RYR3: variants seen among roughly 807,000 people sequenced by gnomAD.
RYR3 encodes brain ryanodine receptor-calcium release channel.
In RYR3, 207 loss-of-function variants were observed where a neutral mutation model predicts 584.3. The ratio of observed to expected loss-of-function variants is 0.35; its 90% CI spans 0.32 to 0.40. RYR3 has a LOEUF of 0.40. RYR3 is among the 10% of genes least tolerant of loss of function. The probability of loss-of-function intolerance (pLI) is 1.00; values close to 1 mark genes in which losing one functional copy is unlikely to be tolerated. For synonymous variants in RYR3, 2,416 were observed against 2,248.5 expected, an observed-to-expected ratio of 1.07 and a Z score of -2.11; for missense variants, 5,616 against 6,089.2, an observed-to-expected ratio of 0.92 and a Z score of 2.59.
intron 42 of RYR3, among the ~76,000 whole-genome samples, chr15:33,701,313 C>T (rs965168458): frequency 3.3e-5 from 5 of 152,236 alleles, no homozygotes; most frequent in Admixed American, 6.5e-5. Context: ...TTGTGTTCTT[C>T]GTGTGTGGAA....
chr15:33,426,147 T>C (rs1240152025), intron 1 of RYR3, among the ~76,000 whole-genome samples: 1 of 152,242 alleles, frequency 6.6e-6, no homozygotes, highest in African/African-American at 2.4e-5. Context: ...AAGTATATGT[T>C]AAGCATTCTT....
intron 64 of RYR3, among the ~76,000 whole-genome samples, chr15:33,774,605 ATGT>A (rs1331501554): frequency 6.6e-6 from 1 of 152,200 alleles, no homozygotes; most frequent in Non-Finnish European, 1.5e-5. Flanking sequence ...AAACCAAAAA[ATGT>A]TGTAGAAATG....
rs368742527 is a variant in RYR3, at chr15:33,788,393, C to T, written c.9765C>T (p.Phe3255=). Residue 3255 remains phenylalanine (F), a synonymous_variant, in exon 67 of 104, where the codon TTC becomes TTT. Coordinates refer to ENST00000634891, the MANE Select transcript of RYR3 (RefSeq NM_001036.6). ...QEAELLILDE[F]AVLCRDLYAF... Reference sequence around the variant, plus strand: ...CAGAACTCCTCATCCTGGACGAGTTCGCGGTCCTCTGCAGAGATCTCTATG... The same window carrying T: ...CAGAACTCCTCATCCTGGACGAGTTTGCGGTCCTCTGCAGAGATCTCTATG... 3.7e-5 allele frequency: 59 copies of T among 1,613,932 alleles called. No individual in the cohort carries two copies. In the East Asian group the frequency reaches 4.7e-4, roughly 13 times the overall value.
At position 33,528,173 on chromosome 15, in the gene RYR3, C is replaced by T. The variant is rs548053980; in HGVS notation, c.280-2419C>T. Among the ~76,000 whole-genome samples the T allele has an allele frequency of 2.6e-5, 4 of 152,172 alleles. No homozygotes were observed. The East Asian group carries it at 7.7e-4, about 29-fold the overall frequency. ...GTACAATTTTGATTGTGACACTGTCCTTTCAAAAATCTACTCCAGTATCCT... is the reference window on the plus strand; with the variant it reads ...GTACAATTTTGATTGTGACACTGTCTTTTCAAAAATCTACTCCAGTATCCT... On this transcript the variant is annotated intron_variant, in intron 3 of 103. Transcript: ENST00000634891.
At chr15:33,688,109 C>T (rs1041581401) in intron 38 of RYR3, among the ~76,000 whole-genome samples, 1 of 152,180 alleles carries the variant, frequency 6.6e-6, no homozygotes, top group East Asian at 1.9e-4. Flanking sequence ...AAGAAACTAC[C>T]ATCAGAGTGA....
intron 15 of RYR3, among the ~76,000 whole-genome samples, chr15:33,585,455 A>T (rs1248563424): frequency 6.6e-6 from 1 of 152,100 alleles, no homozygotes; most frequent in African/African-American, 2.4e-5. Context: ...CAGTGTGCCA[A>T]AAAAAAGGGG....
rs550114178 is a variant in RYR3, at chr15:33,350,539, A to G, written c.51+39443A>G. Among the ~76,000 whole-genome samples the G allele has an allele frequency of 5.9e-5, 9 of 151,508 alleles. No homozygotes were observed. In the East Asian group the frequency reaches 1.7e-3, roughly 29 times the overall value. On this transcript the variant is annotated intron_variant, in intron 1 of 103. Coordinates refer to ENST00000634891, the MANE Select transcript of RYR3 (RefSeq NM_001036.6). ...AGCTCTCCTCAGCAAATGTAAAAGA[A>G]CAGAAATTATAACAAACTATCTCTC...
At chr15:33,630,169 A>G (rs2061195239) in intron 22 of RYR3, 126 bp downstream of exon 22, 1 of 589,658 alleles carries the variant, frequency 1.7e-6, no homozygotes, top group Non-Finnish European at 3.0e-6. Context: ...AGAGGAGATG[A>G]TGATGAATCA....
In RYR3 at chr15:33,311,073, G is replaced by A. The variant is rs1165107449; in HGVS notation, c.28G>A (p.Asp10Asn). 1 of 1,583,264 alleles carries A rather than the reference G, an allele frequency of 6.3e-7. No homozygotes were observed. Among genetic ancestry groups the A allele is most frequent in the Non-Finnish European group, 8.6e-7 (1 of 1,166,736 alleles). The change falls in exon 1 of 104, where the codon GAC (aspartate) becomes AAC (asparagine). Residue 10 changes from aspartate to asparagine, a missense_variant. Transcript: ENST00000634891. The surrounding 1 kb of genome is among the most constrained non-coding windows in gnomAD (Gnocchi z 4.4). MAEGGEGGE[D>N]EIQFLRTEDE... is the part of the protein sequence containing the mutation. ...GGCCGAAGGGGGAGAAGGAGGCGAG[G>A]ACGAGATCCAGTTTCTGAGGACTGT...
intron 11 of RYR3, among the ~76,000 whole-genome samples, chr15:33,563,651 T>C (rs1306893450): frequency 1.3e-5 from 2 of 152,180 alleles, no homozygotes; most frequent in Non-Finnish European, 2.9e-5. Flanking sequence ...AATACCCTTA[T>C]AAAATATGGG....
chr15:33,731,110 C>G (rs934851037), intron 47 of RYR3, among the ~76,000 whole-genome samples: 2 of 152,176 alleles, frequency 1.3e-5, no homozygotes, highest in Non-Finnish European at 2.9e-5. Flanking sequence ...ATCCTGGCAA[C>G]TAGACTTTGC....
chr15:33,723,315 T>C (rs2068087620), intron 44 of RYR3, among the ~76,000 whole-genome samples: 2 of 152,190 alleles, frequency 1.3e-5, no homozygotes, highest in South Asian at 4.1e-4. Context: ...TCTGAAAGCA[T>C]GAGGACTAAT....
At position 33,785,711 on chromosome 15, in the gene RYR3, G is replaced by A; in HGVS notation, c.9318G>A (p.Gln3106=). The A allele has an allele frequency of 6.2e-7, 1 of 1,613,088 alleles. No homozygotes were observed. Among genetic ancestry groups the A allele is most frequent in the East Asian group, 2.2e-5 (1 of 44,878 alleles). ...TVEDMCPDIP[Q]LEGLMKEIND... The stretch of plus-strand genomic sequence containing the variant: ...AAGACATGTGTCCTGACATCCCCCA[G>A]CTGGAAGGCCTGATGAAGGAAATCA... The change falls in exon 66 of 104, where the codon CAG becomes CAA. Residue 3106 remains glutamine, a synonymous_variant. Coordinates refer to ENST00000634891, the MANE Select transcript of RYR3 (RefSeq NM_001036.6).
At chr15:33,623,773 T>TC (rs2060845013) in intron 19 of RYR3, 34 bp from the exon 20 acceptor site, 1 of 1,425,926 alleles carries the variant, frequency 7.0e-7, no homozygotes, top group African/African-American at 1.4e-5. Context: ...GTTTTTTTTT[T>TC]AACCTCTGTA....
At position 33,696,231 on chromosome 15, in the gene RYR3, A is replaced by G; in HGVS notation, c.5874A>G (p.Glu1958=). ...TTGTCCTTCCAGCAACATTGAAGGA[A>G]CTCATCTCACAGACGATGATCTGCT... The part of the protein sequence containing the change: ...EEERCPTTLK[E]LISQTMICWA... Residue 1958 remains glutamate (E), a synonymous_variant, in exon 39 of 104, where the codon GAA becomes GAG. Transcript: ENST00000634891. 6.2e-7 allele frequency: 1 copy of G among 1,613,396 alleles called. No individual in the cohort carries two copies. Among genetic ancestry groups the G allele is most frequent in the Non-Finnish European group, 8.5e-7 (1 of 1,179,640 alleles).
At position 33,635,784 on chromosome 15, in the gene RYR3, G is replaced by A. The variant is rs1187136494; in HGVS notation, c.3346G>A (p.Ala1116Thr). 6.2e-7 allele frequency: 1 copy of A among 1,613,460 alleles called. No individual in the cohort carries two copies. Among genetic ancestry groups the A allele is most frequent in the East Asian group, 2.2e-5 (1 of 44,880 alleles). ...CTGTCGACCTGATGTCGAGCTGGGG[G>A]CCGATGACCAAGCCTTTGTGTTTGA... Reference protein sequence around the residue: ...PGCRPDVELGADDQAFVFEGN... With the variant: ...PGCRPDVELGTDDQAFVFEGN... Residue 1116 changes from alanine (A) to threonine (T), a missense_variant, in exon 26 of 104, where the codon GCC becomes ACC. Coordinates refer to ENST00000634891, the MANE Select transcript of RYR3 (RefSeq NM_001036.6).
At chr15:33,350,433 C>T (rs1973087444) in intron 1 of RYR3, among the ~76,000 whole-genome samples, 1 of 151,878 alleles carries the variant, frequency 6.6e-6, no homozygotes, top group Non-Finnish European at 1.5e-5. Context: ...ACAGAACTCT[C>T]CACCCCAAAT....
intron 3 of RYR3, among the ~76,000 whole-genome samples, chr15:33,520,561 C>T (rs1198381686): frequency 2.1e-5 from 3 of 145,880 alleles, no homozygotes; most frequent in Non-Finnish European, 4.6e-5. Flanking sequence ...ACATCAGATT[C>T]TTAATCTATT....
Position 33,838,666 on chromosome 15 carries a change from C to G in RYR3, c.12686C>G (p.Thr4229Ser), listed in dbSNP as rs751763127. The change falls in exon 89 of 104, where the codon ACC (threonine) becomes AGC (serine). Residue 4229 changes from threonine to serine, a missense_variant. Physicochemically the swap from Thr to Ser is moderately conservative, Grantham distance 58. Transcript: ENST00000634891. ...LVEGAKNIRV[T>S]KILGDMPDPT... is the part of the protein sequence containing the mutation. ...GAAGGGGCAAAGAACATCAGAGTGA[C>G]CAAGATCCTGGGTGACATGCCTGAC... 2 of 1,613,916 alleles carry G rather than the reference C, an allele frequency of 1.2e-6. No individual in the cohort carries two copies. Among genetic ancestry groups the G allele is most frequent in the East Asian group, 2.2e-5 (1 of 44,868 alleles).
Sources: allele counts gnomAD v4.1 joint callset (sites outside exome capture counted in the v4.1 genomes callset), GRCh38; gene constraint gnomAD v4.1.1; non-coding constraint Gnocchi (gnomAD v3.1); transcripts MANE v1.5; gene names NCBI Gene and HGNC (gene_info 2026-07-23, HGNC 2026-07-21).